GALNT5: variants seen among roughly 807,000 people sequenced by gnomAD.
GALNT5 encodes the protein UDP-GalNAc:polypeptide N-acetylgalactosaminyltransferase 5.
GALNT5 carries 72 observed loss-of-function variants against 85.4 expected under a neutral mutation model. The observed-to-expected ratio is 0.84, with a 90% CI of 0.70 to 1.03. The LOEUF (loss-of-function observed/expected upper bound fraction) is 1.03, where lower values mean the gene tolerates loss of function less well. Among genes scored for constraint, GALNT5 ranks in the 50% least tolerant of loss-of-function variants. GALNT5 has a pLI of 0.00. For missense variants in GALNT5, 1,137 were observed against 1,135.5 expected (o/e 1.00, Z -0.02); for synonymous variants, 404 against 397.0 (o/e 1.02, Z -0.21).
intron 6 of GALNT5, among the ~76,000 whole-genome samples, chr2:157,299,953 G>A (rs1423701114): frequency 1.3e-5 from 2 of 152,270 alleles, no homozygotes; most frequent in South Asian, 2.1e-4. Flanking sequence ...GGAGTCATAC[G>A]TGCTACAAAA....
intron 1 of GALNT5, among the ~76,000 whole-genome samples, chr2:157,278,961 C>T (rs1190538442): frequency 6.6e-6 from 1 of 152,128 alleles, no homozygotes; most frequent in Non-Finnish European, 1.5e-5. Flanking sequence ...TTTTATCTAC[C>T]TTTGGTCTTT....
At position 157,259,268 on chromosome 2, in the gene GALNT5, A is replaced by G. The variant is rs147848386; in HGVS notation, c.1186A>G (p.Ile396Val). 1,008 of 1,611,616 alleles carry G rather than the reference A, an allele frequency of 6.3e-4. 2 individuals carry two copies. Among genetic ancestry groups the G allele is most frequent in the Non-Finnish European group, 7.6e-4 (893 of 1,178,982 alleles). The stretch of plus-strand genomic sequence containing the variant: ...AGGGCTAGAGCCAGCAAAAATCAAC[A>G]TAACTGCCAAAGCCCCCTCTACAGA... ...TGGLEPAKINITAKAPSTEYN... is the reference protein window; with the variant it reads ...TGGLEPAKINVTAKAPSTEYN... Residue 396 changes from isoleucine to valine, a missense_variant, in exon 1 of 10, where the codon ATA (isoleucine) becomes GTA (valine). Transcript: ENST00000259056.
At chr2:157,299,211 G>A (rs1217068466) in intron 5 of GALNT5, 1 of 161,432 alleles carries the variant, frequency 6.2e-6, no homozygotes, top group Non-Finnish European at 1.3e-5. Flanking sequence ...TGAAGTCTGG[G>A]CTGGAATATA....
At position 157,257,908 on chromosome 2, in the gene GALNT5, C is replaced by CA. The variant is rs1682221573; in HGVS notation, c.-173dup. 1.5e-6 allele frequency: 1 copy of CA among 654,272 alleles called. No homozygotes were observed. Among genetic ancestry groups the CA allele is most frequent in the Non-Finnish European group, 2.7e-6 (1 of 377,282 alleles). The allele number at this position is 654,272 out of a possible 1,614,324, so 40.5% of individuals were successfully genotyped here. On this transcript the variant is annotated 5_prime_UTR_variant, in exon 1 of 10. It introduces an in-frame stop codon into an upstream open reading frame of the 5' UTR. Transcript: ENST00000259056. The stretch of plus-strand genomic sequence containing the variant: ...GAAATGCCACGCAGGCAGAGACTGA[C>CA]AAGCGGTAGGAACTGAGCTTTCCCC...
intron 1 of GALNT5, among the ~76,000 whole-genome samples, chr2:157,272,370 C>CT (rs1321742287): frequency 6.6e-6 from 1 of 151,990 alleles, no homozygotes; most frequent in African/African-American, 2.4e-5. Context: ...CCTTTTACTC[C>CT]TTTTTTAAAT....
rs145821484 is a variant in GALNT5, at chr2:157,316,599, C to T, written c.*5251C>T. On this transcript the variant is annotated 3_prime_UTR_variant, in exon 10 of 10. Coordinates refer to ENST00000259056, the MANE Select transcript of GALNT5 (RefSeq NM_014568.3). ...GGGTTACTCAATAGTTGCTACAAGA[C>T]AAAATGCCTTACAATTAGAAAAAAA... Among the ~76,000 whole-genome samples the T allele has an allele frequency of 7.2e-5, 11 of 151,784 alleles. No homozygotes were observed. Among genetic ancestry groups the T allele is most frequent in the African/African-American group, 2.7e-4 (11 of 41,306 alleles).
intron 1 of GALNT5, among the ~76,000 whole-genome samples, chr2:157,268,973 T>C (rs1438017628): frequency 3.9e-5 from 6 of 152,172 alleles, no homozygotes; most frequent in African/African-American, 1.2e-4. Context: ...TCTCCTCCCA[T>C]GATATAGGCA....
intron 7 of GALNT5, among the ~76,000 whole-genome samples, chr2:157,304,365 C>T (rs752928922): frequency 6.6e-6 from 1 of 152,184 alleles, no homozygotes; most frequent in Non-Finnish European, 1.5e-5. Flanking sequence ...CTGCCTGTGC[C>T]AGGCACCTCA....
In GALNT5 at chr2:157,308,566, G is replaced by A. The variant is rs1208934220; in HGVS notation, c.2521-1G>A. 6.2e-7 allele frequency: 1 copy of A among 1,603,906 alleles called. No homozygotes were observed. Among genetic ancestry groups the A allele is most frequent in the Non-Finnish European group, 8.5e-7 (1 of 1,177,048 alleles). The stretch of plus-strand genomic sequence containing the variant: ...GACCTCTTTATTCATTTCCCCCACA[G>A]CTTCAACAATTTAATTACACCTGGT... On this transcript the variant is annotated splice_acceptor_variant, in intron 8 of 9. Transcript: ENST00000259056. LOFTEE classifies it high-confidence loss of function.
chr2:157,264,750 A>G (rs1178544853), intron 1 of GALNT5, among the ~76,000 whole-genome samples: 2 of 152,146 alleles, frequency 1.3e-5, no homozygotes, highest in Admixed American at 1.3e-4. Flanking sequence ...TGGAGGAGGA[A>G]GAGGAGGAGG....
intron 6 of GALNT5, 129 bp from the exon 7 acceptor site, chr2:157,300,547 G>T (rs1411502932): frequency 1.5e-6 from 1 of 676,130 alleles, no homozygotes; most frequent in Non-Finnish European, 2.6e-6. Context: ...ATTTTCTATT[G>T]CAAAAGTGTT....
intron 5 of GALNT5, among the ~76,000 whole-genome samples, chr2:157,297,992 C>T (rs556843909): frequency 6.6e-6 from 1 of 152,178 alleles, no homozygotes; most frequent in African/African-American, 2.4e-5. Context: ...TACATAAAGA[C>T]TCATAAAAGT....
intron 3 of GALNT5, among the ~76,000 whole-genome samples, chr2:157,286,818 T>C (rs1682984816): frequency 6.6e-6 from 1 of 152,020 alleles, no homozygotes; most frequent in Non-Finnish European, 1.5e-5. Context: ...ACTAATTAAG[T>C]TTCATACTCT....
intron 3 of GALNT5, among the ~76,000 whole-genome samples, chr2:157,292,039 G>A (rs954175562): frequency 6.6e-6 from 1 of 152,072 alleles, no homozygotes; most frequent in African/African-American, 2.4e-5. Context: ...AAAATTTTAA[G>A]TGATTGGGTT....
chr2:157,306,665 T>C (rs1558905261), intron 8 of GALNT5, among the ~76,000 whole-genome samples: 1 of 152,246 alleles, frequency 6.6e-6, no homozygotes, highest in Admixed American at 6.5e-5. Flanking sequence ...GGTACAGAGA[T>C]TATTTTGCAA....
At chr2:157,298,759 T>G (rs1438935157) in intron 5 of GALNT5, 1 of 152,280 alleles carries the variant, frequency 6.6e-6, no homozygotes, top group Non-Finnish European at 1.5e-5. Context: ...TTCCTTCCAG[T>G]AACGGCTGAG....
intron 1 of GALNT5, among the ~76,000 whole-genome samples, chr2:157,261,218 G>A (rs1682333719): frequency 2.6e-5 from 4 of 152,060 alleles, no homozygotes; most frequent in South Asian, 2.1e-4. Flanking sequence ...GGGAGTCTGG[G>A]GAGGAATTAG....
chr2:157,294,566 G>C (rs560013149), intron 3 of GALNT5, among the ~76,000 whole-genome samples: 1 of 152,166 alleles, frequency 6.6e-6, no homozygotes, highest in Non-Finnish European at 1.5e-5. Context: ...TGCTGCAGCC[G>C]AGTGGAGGGT....
At chr2:157,276,089 T>C (rs1682717639) in intron 1 of GALNT5, among the ~76,000 whole-genome samples, 1 of 152,234 alleles carries the variant, frequency 6.6e-6, no homozygotes, top group Non-Finnish European at 1.5e-5. Context: ...CATGTGGTTT[T>C]TGTCATTGGT....
Sources: gnomAD v4.1 joint callset for allele counts (sites outside exome capture counted in the v4.1 genomes callset) on GRCh38, gnomAD v4.1.1 for gene constraint, MANE v1.5 for transcripts, NCBI Gene and HGNC (gene_info 2026-07-23, HGNC 2026-07-21) for gene names.